The following C21orf58 variants were observed in gnomAD, a reference collection of about 807,000 sequenced individuals.
C21orf58 encodes chromosome 21 open reading frame 58, also known as uncharacterized protein C21orf58.
In C21orf58, 34 loss-of-function variants were observed where a neutral mutation model predicts 35.8. That is an observed-to-expected ratio of 0.95 (90% CI 0.72 to 1.26). The LOEUF is 1.26. C21orf58 is among the 50% of genes most tolerant of loss of function. The pLI is 0.00. For missense variants in C21orf58, 440 were observed against 414.3 expected (o/e 1.06, Z -0.54); for synonymous variants, 191 against 175.8 (o/e 1.09, Z -0.68).
In C21orf58 at chr21:46,317,082, G is replaced by A. The variant is rs149043694; in HGVS notation, c.370+126C>T. ...AAGGAAAAGCGTTGAGGACAATCTC[G>A]CCGGTACCAGGAGTGGGGGTGATTC... On this transcript the variant is annotated intron_variant, in intron 3 of 7. Transcript: ENST00000291691. 14 of 737,156 alleles carry A rather than the reference G, an allele frequency of 1.9e-5. No homozygotes were observed. Among genetic ancestry groups the A allele is most frequent in the African/African-American group, 5.3e-5 (3 of 56,704 alleles). The allele number at this position is 737,156 out of a possible 1,614,324, so 45.7% of individuals were successfully genotyped here.
intron 4 of C21orf58, 31 bp from the exon 5 acceptor site, chr21:46,314,911 G>A (rs765076016): frequency 7.7e-5 from 119 of 1,550,254 alleles, no homozygotes; most frequent in South Asian, 2.0e-4. Flanking sequence ...TGCTGCACAC[G>A]GGGACGGGGA....
intron 1 of C21orf58, 196 bp downstream of exon 1, chr21:46,322,443 A>G (rs2083201558): frequency 1.0e-6 from 1 of 985,166 alleles, no homozygotes; most frequent in Non-Finnish European, 1.2e-6. Context: ...AATGTATTGT[A>G]ACACGTAACA....
chr21:46,320,429 G>A (rs1482362824), intron 1 of C21orf58, among the ~76,000 whole-genome samples: 1 of 148,208 alleles, frequency 6.7e-6, no homozygotes, highest in Non-Finnish European at 1.5e-5. Flanking sequence ...TATAAGATAG[G>A]GCCAGGCAGG....
intron 1 of C21orf58, among the ~76,000 whole-genome samples, chr21:46,320,305 G>A (rs562015356): frequency 6.6e-6 from 1 of 152,092 alleles, no homozygotes; most frequent in Admixed American, 6.6e-5. Context: ...GTTTCACCAT[G>A]TTGGCCAGAC....
At chr21:46,302,435 A>C (rs954346572) in intron 7 of C21orf58, 50 bp downstream of exon 7, 31 of 1,420,614 alleles carry the variant, frequency 2.2e-5, no homozygotes, top group Non-Finnish European at 2.9e-5. Context: ...AAGAAAAACC[A>C]CCCAGGCCCT....
downstream of C21orf58, chr21:46,300,837 T>C: frequency 8.2e-7 from 1 of 1,213,826 alleles, no homozygotes; most frequent in Non-Finnish European, 1.1e-6. Flanking sequence ...TACTTAAAAA[T>C]ATGTAAACAA....
rs189457276 is a variant in C21orf58 at position 46,305,939 on chromosome 21, C to T, written c.722-3363G>A. On this transcript the variant is annotated intron_variant, in intron 6 of 7. Transcript: ENST00000291691. Reference sequence around the variant, plus strand: ...CCTGGCAGACAGCGAGACTCCGTCTCAAAAAAAAAAAGAAAAGAATCTTGA... The same window carrying T: ...CCTGGCAGACAGCGAGACTCCGTCTTAAAAAAAAAAAGAAAAGAATCTTGA... 1.6e-3 allele frequency among the ~76,000 whole-genome samples: 215 copies of T among 131,110 alleles called. 3 individuals are homozygous for T. Among genetic ancestry groups the T allele is most frequent in the Non-Finnish European group, 2.8e-4 (17 of 60,932 alleles). 86.0% of individuals were successfully genotyped at this position (131,110 alleles called of 152,430 possible).
intron 1 of C21orf58, 134 bp from the exon 2 acceptor site, chr21:46,318,354 T>G: frequency 6.8e-7 from 1 of 1,474,884 alleles, no homozygotes. Flanking sequence ...TTGCCAGGTT[T>G]CCACTGTGCG....
intron 6 of C21orf58, 149 bp from the exon 7 acceptor site, chr21:46,302,725 G>T (rs2082170776): frequency 1.6e-6 from 1 of 635,632 alleles, no homozygotes; most frequent in East Asian, 2.8e-5. Context: ...CACACGGTGC[G>T]GGTCCCCGGG....
At chr21:46,314,624 G>A (rs571628463) in intron 5 of C21orf58, 92 bp downstream of exon 5, 32 of 1,050,966 alleles carry the variant, frequency 3.0e-5, no homozygotes, top group Admixed American at 1.2e-4. Context: ...AGGCAACCTC[G>A]CTGCAGGCAC....
intron 1 of C21orf58, among the ~76,000 whole-genome samples, chr21:46,321,806 T>G (rs577946247): frequency 4.0e-4 from 61 of 152,088 alleles, no homozygotes; most frequent in African/African-American, 1.5e-3. Flanking sequence ...ATTGCACTCT[T>G]TGGGAGGAAG....
intron 2 of C21orf58, among the ~76,000 whole-genome samples, 189 bp downstream of exon 2, chr21:46,317,823 C>A (rs1421837701): frequency 6.6e-6 from 1 of 152,238 alleles, no homozygotes; most frequent in Admixed American, 6.5e-5. Context: ...ACAGGCAGGT[C>A]GGTCATGGGC....
chr21:46,314,968 T>G, intron 4 of C21orf58, 88 bp from the exon 5 acceptor site: 1 of 1,550,298 alleles, frequency 6.5e-7, no homozygotes, highest in Non-Finnish European at 8.7e-7. Flanking sequence ...CAGGCCAGCC[T>G]GGGCCAGGTA....
chr21:46,311,201 A>C (rs1356892068), intron 6 of C21orf58, among the ~76,000 whole-genome samples: 1 of 152,090 alleles, frequency 6.6e-6, no homozygotes, highest in Non-Finnish European at 1.5e-5. Flanking sequence ...GCATCTTAAT[A>C]ATGGTTTTTG....
Position 46,318,723 on chromosome 21 carries a change from T to A in C21orf58, c.101-503A>T, listed in dbSNP as rs1041011489. ...AAGGGGTAGGACAGAGGAGGGGTTG[T>A]GACCTGCAGAGGGGCTGGGCTTTAG... On this transcript the variant is annotated intron_variant, in intron 1 of 7. Coordinates refer to ENST00000291691, the MANE Select transcript of C21orf58 (RefSeq NM_058180.5). The A allele has an allele frequency of 1.1e-4, 107 of 1,005,990 alleles. 1 individual carries two copies. In the Middle Eastern group the frequency reaches 1.5e-3, roughly 14 times the overall value. 62.3% of individuals were successfully genotyped at this position (1,005,990 alleles called of 1,614,324 possible). A position where few individuals can be genotyped will look rare whatever the true frequency, so the allele number is the denominator to read the frequency against.
chr21:46,311,019 C>A (rs958102507), intron 6 of C21orf58, among the ~76,000 whole-genome samples: 1 of 151,668 alleles, frequency 6.6e-6, no homozygotes, highest in Non-Finnish European at 1.5e-5. Flanking sequence ...TTACAGGCAT[C>A]CATCACCATG....
intron 6 of C21orf58, among the ~76,000 whole-genome samples, chr21:46,305,449 C>T (rs1039569516): frequency 6.6e-6 from 1 of 151,590 alleles, no homozygotes; most frequent in Non-Finnish European, 1.5e-5. Context: ...CCCATCTCAT[C>T]CTCCCAAGTA....
chr21:46,306,100 G>A (rs1344825321), intron 6 of C21orf58, among the ~76,000 whole-genome samples: 1 of 150,588 alleles, frequency 6.6e-6, no homozygotes, highest in African/African-American at 2.4e-5. Context: ...CATGAGATGG[G>A]AATATAATCC....
chr21:46,306,069 CA>C (rs34976693), intron 6 of C21orf58, among the ~76,000 whole-genome samples: 69,057 of 122,174 alleles, frequency 0.57, 17,747 homozygotes, highest in Admixed American at 0.64. Context: ...CACTGTGACT[CA>C]AAAAAAAAAA....
Sources: gnomAD v4.1 joint callset for allele counts (sites outside exome capture counted in the v4.1 genomes callset) on GRCh38, gnomAD v4.1.1 for gene constraint, MANE v1.5 for transcripts, NCBI Gene and HGNC (gene_info 2026-07-23, HGNC 2026-07-21) for gene names.